Variants in CSMD1 observed in about 807,000 individuals in gnomAD.
CSMD1 encodes CUB and sushi domain-containing protein 1.
CSMD1 carries 213 observed loss-of-function variants against 417.5 expected under a neutral mutation model. That is an observed-to-expected ratio of 0.51 (90% CI 0.46 to 0.57). The LOEUF is 0.57. Among genes scored for constraint, CSMD1 ranks in the 20% least tolerant of loss-of-function variants. The probability of loss-of-function intolerance (pLI) is 0.00; values close to 1 mark genes in which losing one functional copy is unlikely to be tolerated. For missense variants in CSMD1, 6,923 were observed against 4,529.7 expected, an observed-to-expected ratio of 1.53 and a Z score of -15.17; for synonymous variants, 2,862 against 1,736.8, an observed-to-expected ratio of 1.65 and a Z score of -16.11.
chr8:3,338,986 T>TC (rs1343902826), intron 23 of CSMD1, among the ~76,000 whole-genome samples: 2 of 41,852 alleles, frequency 4.8e-5, no homozygotes, highest in Non-Finnish European at 8.7e-5. Flanking sequence ...CCCTCCCCCC[T>TC]CCCCCCACCC....
intron 50 of CSMD1, among the ~76,000 whole-genome samples, chr8:3,051,597 A>G (rs1811820802): frequency 6.6e-6 from 1 of 152,210 alleles, no homozygotes; most frequent in South Asian, 2.1e-4. Flanking sequence ...AACCTAAAAT[A>G]AAGTTTTTTT....
At chr8:3,738,088 C>G (rs1796614308) in intron 6 of CSMD1, among the ~76,000 whole-genome samples, 1 of 152,160 alleles carries the variant, frequency 6.6e-6, no homozygotes, top group African/African-American at 2.4e-5. Flanking sequence ...TAGTCTCTTT[C>G]CATTAGCACT....
intron 1 of CSMD1, among the ~76,000 whole-genome samples, chr8:4,717,567 C>T (rs73174072): frequency 0.029 from 2,292 of 80,330 alleles, 53 homozygotes; most frequent in African/African-American, 0.12. Context: ...TCTATCTATC[C>T]ATCCATCCAT....
chr8:4,062,302 A>G (rs1003157387), intron 3 of CSMD1, among the ~76,000 whole-genome samples: 1 of 152,154 alleles, frequency 6.6e-6, no homozygotes, highest in African/African-American at 2.4e-5. Flanking sequence ...GAGCATGTCA[A>G]CTGGGGACTT....
At chr8:3,513,986 C>A (rs1395064267) in intron 10 of CSMD1, among the ~76,000 whole-genome samples, 2 of 152,188 alleles carry the variant, frequency 1.3e-5, no homozygotes, top group African/African-American at 2.4e-5. Flanking sequence ...GTAGCAGATT[C>A]CAATCCAGGC....
intron 3 of CSMD1, among the ~76,000 whole-genome samples, chr8:4,125,072 G>C (rs548004015): frequency 1.3e-5 from 2 of 152,106 alleles, no homozygotes; most frequent in Non-Finnish European, 2.9e-5. Flanking sequence ...CGCCGCTGCA[G>C]TCCACGGCTT....
intron 3 of CSMD1, among the ~76,000 whole-genome samples, chr8:4,278,341 T>C (rs1051330180): frequency 2.0e-5 from 3 of 152,156 alleles, no homozygotes; most frequent in Non-Finnish European, 4.4e-5. Context: ...GGCTAATATG[T>C]GACTTAAAAT....
At chr8:4,712,865 G>T (rs967349108) in intron 1 of CSMD1, among the ~76,000 whole-genome samples, 1 of 152,186 alleles carries the variant, frequency 6.6e-6, no homozygotes, top group Admixed American at 6.5e-5. Context: ...ATATATTTTA[G>T]TAGACATCCA....
intron 3 of CSMD1, among the ~76,000 whole-genome samples, chr8:4,037,398 G>A (rs945347082): frequency 1.3e-5 from 2 of 152,308 alleles, no homozygotes; most frequent in African/African-American, 4.8e-5. Context: ...CAACAGCCCA[G>A]TGGCATTATA....
chr8:3,921,606 C>T (rs2954616), intron 5 of CSMD1, among the ~76,000 whole-genome samples: 1 of 151,700 alleles, frequency 6.6e-6, no homozygotes, highest in Admixed American at 6.6e-5. Context: ...CATTTATTTC[C>T]ATCTATTTTT....
rs150377746 is a variant in CSMD1 at position 3,509,753 on chromosome 8, T to C, written c.1345-16027A>G. 4.1e-3 allele frequency among the ~76,000 whole-genome samples: 619 copies of C among 152,306 alleles called. 7 individuals carry two copies. Among genetic ancestry groups the C allele is most frequent in the African/African-American group, 0.014 (599 of 41,556 alleles). ...GAATAATCAGAGTGATATTTTGTTC[T>C]AGAATCCAAGGGGTCTGCTTGATGC... is the stretch of plus-strand genomic sequence containing the variant. On this transcript the variant is annotated intron_variant, in intron 10 of 69. Coordinates refer to ENST00000635120, the MANE Select transcript of CSMD1 (RefSeq NM_033225.6).
chr8:3,129,273 T>G (rs1817667331), intron 41 of CSMD1, among the ~76,000 whole-genome samples: 1 of 152,208 alleles, frequency 6.6e-6, no homozygotes, highest in African/African-American at 2.4e-5. Context: ...GATAATTGAT[T>G]TTTGTAAATA....
At chr8:3,429,662 C>A (rs1814090250) in intron 12 of CSMD1, among the ~76,000 whole-genome samples, 1 of 152,180 alleles carries the variant, frequency 6.6e-6, no homozygotes. Context: ...GAATTGCACA[C>A]TTTTGAATAT....
intron 3 of CSMD1, among the ~76,000 whole-genome samples, chr8:4,108,300 C>A (rs975704959): frequency 1.3e-5 from 2 of 152,282 alleles, no homozygotes; most frequent in South Asian, 2.1e-4. Context: ...AGCCAGTAAA[C>A]TCATATGACA....
chr8:3,248,362 T>A (rs1405006071), intron 26 of CSMD1, among the ~76,000 whole-genome samples: 1 of 152,050 alleles, frequency 6.6e-6, no homozygotes, highest in African/African-American at 2.4e-5. Context: ...AATATCCCAA[T>A]TTGAATAAAA....
chr8:3,594,637 C>A (rs1212550032), intron 8 of CSMD1, among the ~76,000 whole-genome samples: 2 of 152,176 alleles, frequency 1.3e-5, no homozygotes, highest in East Asian at 1.9e-4. Flanking sequence ...TAGGTTTATA[C>A]CCTCTGCCTC....
At chr8:3,777,884 G>C (rs1310155468) in intron 5 of CSMD1, among the ~76,000 whole-genome samples, 5 of 150,246 alleles carry the variant, frequency 3.3e-5, no homozygotes, top group African/African-American at 1.2e-4. Flanking sequence ...CAGTCTCCTT[G>C]AAGCGCAGAG....
intron 2 of CSMD1, among the ~76,000 whole-genome samples, chr8:4,432,188 T>C (rs770362305): frequency 3.9e-5 from 6 of 152,202 alleles, no homozygotes; most frequent in Non-Finnish European, 8.8e-5. Context: ...TTGCGAAGTT[T>C]GAAAAAGTAA....
chr8:4,686,576 T>C (rs1310751585), intron 1 of CSMD1, among the ~76,000 whole-genome samples: 2 of 152,208 alleles, frequency 1.3e-5, no homozygotes, highest in Non-Finnish European at 2.9e-5. Context: ...AAGCATTAGA[T>C]CACAAGTCCT....
Sources: allele counts gnomAD v4.1 joint callset (sites outside exome capture counted in the v4.1 genomes callset), GRCh38; gene constraint gnomAD v4.1.1; transcripts MANE v1.5; gene names NCBI Gene and HGNC (gene_info 2026-07-23, HGNC 2026-07-21).